FRMD3: variants seen among roughly 807,000 people sequenced by gnomAD.
The protein encoded by FRMD3 is FERM domain-containing protein 3.
Under a neutral mutation model 70.2 loss-of-function variants are expected in FRMD3, and 33 were observed. That is an observed-to-expected ratio of 0.47 (90% CI 0.36 to 0.63). The LOEUF (loss-of-function observed/expected upper bound fraction) is 0.63, where lower values mean the gene tolerates loss of function less well. Among genes scored for constraint, FRMD3 ranks in the 20% least tolerant of loss-of-function variants. The pLI, the probability that FRMD3 is intolerant of heterozygous loss-of-function variation, is 0.00. For missense variants in FRMD3, 632 were observed against 711.4 expected, an observed-to-expected ratio of 0.89 and a Z score of 1.27; for synonymous variants, 279 against 255.9, an observed-to-expected ratio of 1.09 and a Z score of -0.86.
intron 1 of FRMD3, among the ~76,000 whole-genome samples, chr9:83,517,521 A>C (rs1829481005): frequency 6.9e-6 from 1 of 144,028 alleles, no homozygotes; most frequent in African/African-American, 2.6e-5. Flanking sequence ...AAAAAAAACA[A>C]CCTAGGACCG....
At chr9:83,484,578 T>C (rs1828643447) in intron 1 of FRMD3, among the ~76,000 whole-genome samples, 9 of 152,128 alleles carry the variant, frequency 5.9e-5, no homozygotes, top group Admixed American at 5.9e-4. Context: ...CCATCACACC[T>C]GGCTAAATTT....
intron 4 of FRMD3, among the ~76,000 whole-genome samples, chr9:83,346,686 T>C (rs1251748993): frequency 6.6e-6 from 1 of 152,230 alleles, no homozygotes; most frequent in Non-Finnish European, 1.5e-5. Flanking sequence ...AATAAACTAT[T>C]TTGAAAATCC....
chr9:83,527,672 T>C (rs1273299086), intron 1 of FRMD3, among the ~76,000 whole-genome samples: 2 of 152,132 alleles, frequency 1.3e-5, no homozygotes, highest in African/African-American at 4.8e-5. Context: ...AGTCTGCATT[T>C]GAACAAGAGC....
intron 1 of FRMD3, among the ~76,000 whole-genome samples, chr9:83,509,243 A>G (rs1829280060): frequency 6.6e-6 from 1 of 152,198 alleles, no homozygotes; most frequent in Non-Finnish European, 1.5e-5. Flanking sequence ...CTCAGATGTT[A>G]TACCAGGTGC....
intron 1 of FRMD3, among the ~76,000 whole-genome samples, chr9:83,527,741 A>G (rs1829715001): frequency 1.3e-5 from 2 of 152,112 alleles, no homozygotes; most frequent in Admixed American, 1.3e-4. Context: ...CCCAGGGCTC[A>G]ATGCTGAACT....
intron 12 of FRMD3, among the ~76,000 whole-genome samples, chr9:83,291,525 T>C (rs1834418837): frequency 6.6e-6 from 1 of 152,060 alleles, no homozygotes; most frequent in Admixed American, 6.6e-5. Context: ...AATGTTTCCT[T>C]CCCCTGGAAG....
intron 13 of FRMD3, among the ~76,000 whole-genome samples, chr9:83,264,424 A>G (rs1833135613): frequency 6.6e-6 from 1 of 152,222 alleles, no homozygotes; most frequent in African/African-American, 2.4e-5. Flanking sequence ...CAGAATGTAC[A>G]CCACCAAGGT....
rs115608380 is a variant in FRMD3 at position 83,279,719 on chromosome 9, G to A, written c.1195+10884C>T. 7.2e-3 allele frequency among the ~76,000 whole-genome samples: 1,087 copies of A among 149,972 alleles called. 12 individuals carry two copies. The highest frequency in any genetic ancestry group is 0.025 in the African/African-American group (1,020 of 40,910). ...GGGAACAGAAAACCACACACCAAAT[G>A]TTCTCACTTGTAAGTGGGAGTTGAA... On this transcript the variant is annotated intron_variant, in intron 13 of 13. Transcript: ENST00000304195.
At position 83,357,226 on chromosome 9, in the gene FRMD3, T is replaced by TTA. The variant is rs1326874231; in HGVS notation, c.296-7471_296-7470dup. Among the ~76,000 whole-genome samples the TTA allele has an allele frequency of 8.1e-3, 123 of 15,226 alleles. 6 individuals carry two copies. Among genetic ancestry groups the TTA allele is most frequent in the East Asian group, 0.068 (23 of 340 alleles). The allele number at this position is 15,226 out of a possible 152,430, so 10.0% of individuals were successfully genotyped here. A position where few individuals can be genotyped will look rare whatever the true frequency, so the allele number is the denominator to read the frequency against. On this transcript the variant is annotated intron_variant, in intron 3 of 13. Coordinates refer to ENST00000304195, the MANE Select transcript of FRMD3 (RefSeq NM_174938.6). ...ATAACATACATGGAATATATATATT[T>TTA]TATATATATATAATACATACATATA...
chr9:83,336,978 G>A (rs914684861), intron 5 of FRMD3, among the ~76,000 whole-genome samples: 7 of 152,008 alleles, frequency 4.6e-5, no homozygotes, highest in African/African-American at 1.7e-4. Flanking sequence ...TGGAGGCTGT[G>A]CACAGAGGGC....
In FRMD3 at chr9:83,470,182, C is replaced by T. The variant is rs569247787; in HGVS notation, c.147+67903G>A. ...GCACCACAGCCCCAGATTCCAGCTGCTCTGAAGTTCCATCTATAGTTCCCT... is the reference window on the plus strand; with the variant it reads ...GCACCACAGCCCCAGATTCCAGCTGTTCTGAAGTTCCATCTATAGTTCCCT... On this transcript the variant is annotated intron_variant, in intron 1 of 13. Coordinates refer to ENST00000304195, the MANE Select transcript of FRMD3 (RefSeq NM_174938.6). 2.3e-3 allele frequency among the ~76,000 whole-genome samples: 351 copies of T among 152,300 alleles called. 2 individuals carry two copies. Among genetic ancestry groups the T allele is most frequent in the Middle Eastern group, 6.8e-3 (2 of 294 alleles).
chr9:83,498,564 GA>G (rs1213683842), intron 1 of FRMD3, among the ~76,000 whole-genome samples: 1 of 151,972 alleles, frequency 6.6e-6, no homozygotes, highest in African/African-American at 2.4e-5. Context: ...TAAATAAAAT[GA>G]AAAAATACTT....
intron 1 of FRMD3, among the ~76,000 whole-genome samples, chr9:83,531,709 G>C (rs533837738): frequency 9.2e-5 from 14 of 152,292 alleles, no homozygotes; most frequent in Non-Finnish European, 1.9e-4. Flanking sequence ...ACAGATATAG[G>C]TTTGCACATG....
At chr9:83,298,961 G>A in intron 11 of FRMD3, 145 bp from the exon 12 acceptor site, 1 of 989,562 alleles carries the variant, frequency 1.0e-6, no homozygotes, top group Non-Finnish European at 1.6e-6. Flanking sequence ...GAATTTGAGG[G>A]TGCCCTGTGA....
chr9:83,295,527 C>T (rs1587690652), intron 12 of FRMD3, among the ~76,000 whole-genome samples: 1 of 151,874 alleles, frequency 6.6e-6, no homozygotes, highest in East Asian at 1.9e-4. Context: ...TTTTAAAGCA[C>T]TTTAATACTC....
At chr9:83,350,152 T>G (rs556612035) in intron 3 of FRMD3, among the ~76,000 whole-genome samples, 1 of 152,238 alleles carries the variant, frequency 6.6e-6, no homozygotes, top group South Asian at 2.1e-4. Context: ...TCACAAAAGA[T>G]TTTTTTAGCC....
intron 1 of FRMD3, among the ~76,000 whole-genome samples, chr9:83,445,237 G>A (rs1827420679): frequency 6.6e-6 from 1 of 152,148 alleles, no homozygotes; most frequent in Non-Finnish European, 1.5e-5. Context: ...TTAGCTGGGT[G>A]TGGTGGCAGG....
chr9:83,526,360 C>T (rs1829683734), intron 1 of FRMD3, among the ~76,000 whole-genome samples: 1 of 152,152 alleles, frequency 6.6e-6, no homozygotes. Flanking sequence ...TCGCCATTAC[C>T]CAGTCATTGA....
intron 6 of FRMD3, among the ~76,000 whole-genome samples, chr9:83,326,117 C>G (rs1025814348): frequency 6.6e-6 from 1 of 152,098 alleles, no homozygotes; most frequent in African/African-American, 2.4e-5. Flanking sequence ...CCACAGGAAG[C>G]CATGTCTATT....
Sources: gnomAD v4.1 joint callset for allele counts (sites outside exome capture counted in the v4.1 genomes callset) on GRCh38, gnomAD v4.1.1 for gene constraint, MANE v1.5 for transcripts, NCBI Gene and HGNC (gene_info 2026-07-23, HGNC 2026-07-21) for gene names.